Variants in KCNC2 observed in about 807,000 individuals in gnomAD.
KCNC2 encodes the protein voltage-gated potassium channel KCNC2.
KCNC2 carries 21 observed loss-of-function variants against 44.5 expected under a neutral mutation model. The observed-to-expected ratio is 0.47, with a 90% confidence interval of 0.33 to 0.68. The LOEUF is 0.68. Among genes scored for constraint, KCNC2 ranks in the 30% least tolerant of loss-of-function variants. The pLI, the probability that KCNC2 is intolerant of heterozygous loss-of-function variation, is 0.01. For missense variants in KCNC2, 589 were observed against 826.2 expected, an observed-to-expected ratio of 0.71 and a Z score of 3.52; for synonymous variants, 391 against 339.1, an observed-to-expected ratio of 1.15 and a Z score of -1.68.
In KCNC2 at chr12:75,138,979, TAAAAAAAAAAA is replaced by T. The variant is rs373729570; in HGVS notation, c.687+68307_687+68317del. 6.2e-4 allele frequency among the ~76,000 whole-genome samples: 48 copies of T among 77,934 alleles called. 1 individual carries two copies. Among genetic ancestry groups the T allele is most frequent in the South Asian group, 2.0e-3 (4 of 2,008 alleles). The allele number at this position is 77,934 out of a possible 152,430, so 51.1% of individuals were successfully genotyped here. On this transcript the variant is annotated intron_variant, in intron 2 of 4. Transcript: ENST00000549446. ...CTGGGCCACAGAGCGAGACTCCGTG[TAAAAAAAAAAA>T]AAAAAAAAAAAAAAAACCAAGAAAG...
chr12:75,130,329 C>T (rs990396262), intron 2 of KCNC2, among the ~76,000 whole-genome samples: 26 of 152,108 alleles, frequency 1.7e-4, no homozygotes, highest in African/African-American at 6.0e-4. Context: ...TTTATAATGG[C>T]ATAATAATAA....
intron 2 of KCNC2, among the ~76,000 whole-genome samples, chr12:75,060,492 G>C (rs972268385): frequency 1.3e-5 from 2 of 151,832 alleles, no homozygotes; most frequent in African/African-American, 4.8e-5. Context: ...TTGAGACAAG[G>C]TCTCTCTCTG....
At chr12:75,069,379 G>A (rs183628096) in intron 2 of KCNC2, among the ~76,000 whole-genome samples, 2,014 of 151,730 alleles carry the variant, frequency 0.013, 47 homozygotes, top group African/African-American at 0.046. Flanking sequence ...CAGGTGATCC[G>A]CCCGCCTCAG....
intron 2 of KCNC2, among the ~76,000 whole-genome samples, chr12:75,090,590 T>C (rs981627417): frequency 2.0e-5 from 3 of 151,718 alleles, no homozygotes; most frequent in Non-Finnish European, 4.4e-5. Flanking sequence ...GTAACTACAG[T>C]TGTAATTTTT....
At chr12:75,107,100 C>T (rs144110370) in intron 2 of KCNC2, among the ~76,000 whole-genome samples, 1,921 of 152,042 alleles carry the variant, frequency 0.013, 36 homozygotes, top group African/African-American at 0.043. Context: ...GTTAGGAGAT[C>T]GAGACCATCC....
Position 75,207,417 on chromosome 12 carries a change from C to A in KCNC2, c.567G>T (p.Arg189Ser). The change falls in exon 2 of 5, where the codon AGG (arginine) becomes AGT (serine). Residue 189 changes from arginine (R) to serine (S), a missense_variant. Arg to Ser is a moderately radical substitution (Grantham distance 110, BLOSUM62 -1). Around this residue, in one of 7 missense-constraint regions of KCNC2, gnomAD observed 97 missense variants for 73.3 expected, o/e 1.32. Coordinates refer to ENST00000549446, the MANE Select transcript of KCNC2 (RefSeq NM_139137.4). This position sits in a 1 kb window ranked among gnomAD's most constrained non-coding sequence, Gnocchi z 4.1. ...GCCCCGCCGCGTCCTCGATGCCCAG[C>A]CTCTTGGCCGCCAGGTCCTCGTCGT... The part of the protein sequence containing the change: ...PGDDEDLAAK[R>S]LGIEDAAGLG... 3 of 1,603,476 alleles carry A rather than the reference C, an allele frequency of 1.9e-6. No individual in the cohort carries two copies. Among genetic ancestry groups the A allele is most frequent in the Non-Finnish European group, 2.6e-6 (3 of 1,175,276 alleles).
chr12:75,185,024 C>T (rs578248718), intron 2 of KCNC2, among the ~76,000 whole-genome samples: 46 of 152,172 alleles, frequency 3.0e-4, no homozygotes, highest in African/African-American at 9.4e-4. Context: ...AGCATAAAGC[C>T]GGAAGAAAAC....
chr12:75,195,398 T>C (rs75224879), intron 2 of KCNC2, among the ~76,000 whole-genome samples: 2,443 of 152,266 alleles, frequency 0.016, 33 homozygotes, highest in South Asian at 0.034. Context: ...ATTATAGTGT[T>C]AAATCTTGTA....
At chr12:75,095,216 G>C (rs1885820643) in intron 2 of KCNC2, among the ~76,000 whole-genome samples, 1 of 151,754 alleles carries the variant, frequency 6.6e-6, no homozygotes, top group Non-Finnish European at 1.5e-5. Flanking sequence ...GCTTTCATCT[G>C]CAATCTATGA....
At chr12:75,165,327 C>G (rs1324642545) in intron 2 of KCNC2, among the ~76,000 whole-genome samples, 1 of 151,430 alleles carries the variant, frequency 6.6e-6, no homozygotes. Flanking sequence ...TTTAATCATA[C>G]ACTTAAAGAA....
chr12:75,170,317 A>T (rs1891729985), intron 2 of KCNC2, among the ~76,000 whole-genome samples: 1 of 151,742 alleles, frequency 6.6e-6, no homozygotes, highest in East Asian at 1.9e-4. Flanking sequence ...AGTGGCCCAG[A>T]CAAAAATCTA....
intron 1 of KCNC2, among the ~76,000 whole-genome samples, chr12:75,208,211 T>G (rs983163870): frequency 6.6e-6 from 1 of 152,102 alleles, no homozygotes; most frequent in Non-Finnish European, 1.5e-5. Flanking sequence ...ACTACAGAGA[T>G]AGCAGTCCTA....
chr12:75,149,097 C>T (rs1890219669), intron 2 of KCNC2, among the ~76,000 whole-genome samples: 1 of 151,618 alleles, frequency 6.6e-6, no homozygotes, highest in Non-Finnish European at 1.5e-5. Context: ...TGATGAATGG[C>T]CAATTCCCAA....
chr12:75,123,715 T>A (rs1888202959), intron 2 of KCNC2, among the ~76,000 whole-genome samples: 2 of 152,120 alleles, frequency 1.3e-5, no homozygotes, highest in South Asian at 4.1e-4. Context: ...CTTCTTTAAT[T>A]TTTTCCTACC....
intron 2 of KCNC2, among the ~76,000 whole-genome samples, chr12:75,178,218 T>C (rs61932895): frequency 6.6e-6 from 1 of 151,938 alleles, no homozygotes; most frequent in East Asian, 1.9e-4. Flanking sequence ...CAGTAAGACA[T>C]GTACATCTGT....
At chr12:75,044,026 G>C (rs544568469) in intron 4 of KCNC2, among the ~76,000 whole-genome samples, 2 of 151,628 alleles carry the variant, frequency 1.3e-5, no homozygotes, top group African/African-American at 2.4e-5. Context: ...TGATAGCTAC[G>C]AACTTACAAA....
At chr12:75,079,000 C>T (rs1285255702) in intron 2 of KCNC2, among the ~76,000 whole-genome samples, 2 of 151,850 alleles carry the variant, frequency 1.3e-5, no homozygotes, top group Admixed American at 1.3e-4. Context: ...TTACTTCAGT[C>T]AAATAAATAA....
intron 2 of KCNC2, among the ~76,000 whole-genome samples, chr12:75,142,082 C>T (rs1007184036): frequency 3.3e-5 from 5 of 152,090 alleles, no homozygotes; most frequent in Non-Finnish European, 7.4e-5. Flanking sequence ...AGCTGATTAC[C>T]TAATCCTTAA....
chr12:75,155,189 A>G (rs1890674596), intron 2 of KCNC2, among the ~76,000 whole-genome samples: 1 of 151,962 alleles, frequency 6.6e-6, no homozygotes, highest in Admixed American at 6.6e-5. Flanking sequence ...CAATATAGCC[A>G]TCAATGCATA....
Sources: allele counts gnomAD v4.1 joint callset (sites outside exome capture counted in the v4.1 genomes callset), GRCh38; gene constraint gnomAD v4.1.1; regional missense constraint gnomAD v4.1.1; non-coding constraint Gnocchi (gnomAD v3.1); transcripts MANE v1.5; gene names NCBI Gene and HGNC (gene_info 2026-07-23, HGNC 2026-07-21).